NEDD9: variants seen among roughly 807,000 people sequenced by gnomAD.
NEDD9 encodes enhancer of filamentation 1.
In NEDD9, 26 loss-of-function variants were observed where a neutral mutation model predicts 76.6. The ratio of observed to expected loss-of-function variants is 0.34; its 90% CI spans 0.25 to 0.47. NEDD9 has a LOEUF of 0.47. Ranked by LOEUF, NEDD9 falls within the 20% of genes least tolerant of loss-of-function variation. The pLI, the probability that NEDD9 is intolerant of heterozygous loss-of-function variation, is 1.00. For synonymous variants in NEDD9, 392 were observed against 414.2 expected (o/e 0.95, Z 0.65); for missense variants, 937 against 1,058.5 (o/e 0.89, Z 1.59).
intron 3 of NEDD9, among the ~76,000 whole-genome samples, chr6:11,291,313 C>T (rs2327396): frequency 0.35 from 45,645 of 131,710 alleles, 8,442 homozygotes; most frequent in African/African-American, 0.51. Flanking sequence ...CTCGCTCTGT[C>T]GCCCAGGCTG....
chr6:11,375,973 C>T (rs562937701), intron 1 of NEDD9, among the ~76,000 whole-genome samples: 6 of 152,256 alleles, frequency 3.9e-5, no homozygotes, highest in South Asian at 2.1e-4. Flanking sequence ...TACAGGCGCC[C>T]GTCACCACAC....
chr6:11,308,619 T>A (rs914366480), intron 2 of NEDD9, among the ~76,000 whole-genome samples: 23 of 152,100 alleles, frequency 1.5e-4, no homozygotes, highest in African/African-American at 5.6e-4. Context: ...TCCGCCCACC[T>A]CAGCCTCCCA....
At position 11,190,936 on chromosome 6, in the gene NEDD9, G is replaced by A. The variant is rs745970650; in HGVS notation, c.933C>T (p.Gly311=). Residue 311 remains glycine, a synonymous_variant, in exon 5 of 7, where the codon GGC becomes GGT. Transcript: ENST00000379446. The surrounding 1 kb of genome is among the most constrained non-coding windows in gnomAD (Gnocchi z 5.8). ...GGACATCATATGCGTCGTTCTGAGA[G>A]CCCACTGACTGTCCGAGTTGCGGGG... The part of the protein sequence containing the change: ...HPPPQLGQSV[G]SQNDAYDVPR... 128 of 1,613,960 alleles carry A rather than the reference G, an allele frequency of 7.9e-5. No homozygotes were observed. Among genetic ancestry groups the A allele is most frequent in the Non-Finnish European group, 9.5e-5 (112 of 1,180,026 alleles).
At chr6:11,215,011 G>A (rs779391352) in intron 1 of NEDD9, among the ~76,000 whole-genome samples, 10 of 152,120 alleles carry the variant, frequency 6.6e-5, no homozygotes, top group Non-Finnish European at 5.9e-5. Context: ...ATTCAGCCTC[G>A]TGCTTTTCAT....
At chr6:11,240,414 A>G (rs976820601) in intron 3 of NEDD9, among the ~76,000 whole-genome samples, 1 of 152,050 alleles carries the variant, frequency 6.6e-6, no homozygotes, top group Non-Finnish European at 1.5e-5. Context: ...GTGGCTTTTA[A>G]TTATCCCAAG....
At position 11,316,547 on chromosome 6, in the gene NEDD9, T is replaced by C. The variant is rs9295935; in HGVS notation, c.-152-10392A>G. 9.7e-3 allele frequency among the ~76,000 whole-genome samples: 1,485 copies of C among 152,352 alleles called. 23 individuals carry two copies. The highest frequency in any genetic ancestry group is 0.034 in the African/African-American group (1,426 of 41,576). On this transcript the variant is annotated intron_variant, in intron 2 of 3. Transcript: ENST00000397378. ...TGGACTGTTGCAATTGTCTTCATAT[T>C]GTATCCTAAAGGCAATGGGGTAGGC...
chr6:11,283,782 A>G (rs1760584994), intron 3 of NEDD9, among the ~76,000 whole-genome samples: 1 of 152,232 alleles, frequency 6.6e-6, no homozygotes, highest in Admixed American at 6.5e-5. Flanking sequence ...CAAAGTCATC[A>G]AGCACAGAAA....
intron 3 of NEDD9, among the ~76,000 whole-genome samples, chr6:11,297,576 A>T (rs1195349499): frequency 1.3e-5 from 2 of 152,118 alleles, no homozygotes; most frequent in Admixed American, 6.5e-5. Context: ...CCCAAGGCTC[A>T]TTCTCCCACC....
chr6:11,310,304 T>C (rs1761328907), intron 2 of NEDD9, among the ~76,000 whole-genome samples: 1 of 152,194 alleles, frequency 6.6e-6, no homozygotes, highest in Non-Finnish European at 1.5e-5. Flanking sequence ...CCTCCTCACA[T>C]GCCCACTTCC....
At chr6:11,327,453 C>T (rs16871267) in intron 2 of NEDD9, among the ~76,000 whole-genome samples, 6,584 of 152,282 alleles carry the variant, frequency 0.043, 417 homozygotes, top group African/African-American at 0.14. Context: ...TAAAGTACAT[C>T]GAACAGTTCT....
chr6:11,218,944 T>C (rs1464816485), intron 1 of NEDD9, among the ~76,000 whole-genome samples: 1 of 152,182 alleles, frequency 6.6e-6, no homozygotes, highest in Non-Finnish European at 1.5e-5. Context: ...GAACTGACCA[T>C]CCCAGTGAGA....
intron 3 of NEDD9, among the ~76,000 whole-genome samples, chr6:11,269,295 G>A (rs1177827715): frequency 6.6e-6 from 1 of 152,238 alleles, no homozygotes; most frequent in Non-Finnish European, 1.5e-5. Flanking sequence ...TGGGGATGAG[G>A]ATTGAGAGAA....
chr6:11,338,454 T>C (rs763738350), intron 1 of NEDD9, among the ~76,000 whole-genome samples: 16 of 152,160 alleles, frequency 1.1e-4, no homozygotes, highest in Non-Finnish European at 1.9e-4. Flanking sequence ...GTGTTTTTGT[T>C]TTTTAACAAC....
intron 2 of NEDD9, chr6:11,201,191 T>A: frequency 1.1e-6 from 1 of 907,606 alleles, no homozygotes; most frequent in Middle Eastern, 2.2e-4. Context: ...GTGCCTGGGA[T>A]GGGGCAGAGC....
At chr6:11,367,250 G>A (rs1762785990) in intron 1 of NEDD9, among the ~76,000 whole-genome samples, 1 of 152,224 alleles carries the variant, frequency 6.6e-6, no homozygotes, top group African/African-American at 2.4e-5. Flanking sequence ...GAGCCTCTGA[G>A]GTAGCCAGTG....
chr6:11,365,630 G>A (rs1448074946), intron 1 of NEDD9, among the ~76,000 whole-genome samples: 3 of 152,144 alleles, frequency 2.0e-5, no homozygotes, highest in Non-Finnish European at 1.5e-5. Flanking sequence ...ACTGGAAGGA[G>A]TCCATGGATA....
chr6:11,378,070 C>T (rs767939005), intron 1 of NEDD9, among the ~76,000 whole-genome samples: 31 of 152,114 alleles, frequency 2.0e-4, no homozygotes, highest in Non-Finnish European at 4.3e-4. Context: ...TGACAAAACT[C>T]CATCTCTGCT....
chr6:11,207,380 G>A (rs1758645504), intron 2 of NEDD9: 1 of 152,186 alleles, frequency 6.6e-6, no homozygotes, highest in African/African-American at 2.4e-5. Flanking sequence ...ACGTGTATGT[G>A]TGTAATTTGT....
chr6:11,319,555 T>C (rs1241042854), intron 2 of NEDD9, among the ~76,000 whole-genome samples: 2 of 102,608 alleles, frequency 1.9e-5, no homozygotes, highest in Admixed American at 1.1e-4. Flanking sequence ...CACACTAACA[T>C]GCGGACACAC....
Sources: gnomAD v4.1 joint callset for allele counts (sites outside exome capture counted in the v4.1 genomes callset) on GRCh38, gnomAD v4.1.1 for gene constraint, Gnocchi (gnomAD v3.1) non-coding constraint, MANE v1.5 for transcripts, NCBI Gene and HGNC (gene_info 2026-07-23, HGNC 2026-07-21) for gene names.